The following CNTN5 variants were observed in gnomAD, a reference collection of about 807,000 sequenced individuals.
CNTN5 encodes the protein contactin-5.
A neutral mutation model predicts 129.1 loss-of-function variants in CNTN5; 77 were observed. The observed-to-expected ratio is 0.60, with a 90% CI of 0.50 to 0.72. CNTN5 has a LOEUF of 0.72. Ranked by LOEUF, CNTN5 falls within the 30% of genes least tolerant of loss-of-function variation. The pLI is 0.00. For missense variants in CNTN5, 1,478 were observed against 1,328.8 expected, an observed-to-expected ratio of 1.11 and a Z score of -1.75; for synonymous variants, 509 against 465.6, an observed-to-expected ratio of 1.09 and a Z score of -1.20.
At chr11:99,920,167 G>A (rs749426651) in intron 7 of CNTN5, among the ~76,000 whole-genome samples, 2 of 152,004 alleles carry the variant, frequency 1.3e-5, no homozygotes, top group Non-Finnish European at 2.9e-5. Flanking sequence ...TCTCATGTGG[G>A]TTATTTCTTT....
intron 21 of CNTN5, among the ~76,000 whole-genome samples, chr11:100,335,782 A>G (rs1245926188): frequency 6.6e-6 from 1 of 151,348 alleles, no homozygotes; most frequent in Non-Finnish European, 1.5e-5. Context: ...AAAAAAAGCC[A>G]TTCTCTTTAT....
chr11:100,038,524 G>A (rs1467307759), intron 9 of CNTN5, among the ~76,000 whole-genome samples: 1 of 152,182 alleles, frequency 6.6e-6, no homozygotes, highest in Non-Finnish European at 1.5e-5. Flanking sequence ...GGGTATCCTT[G>A]TTAACTTTCT....
chr11:99,164,190 G>A (rs1860762990), intron 1 of CNTN5, among the ~76,000 whole-genome samples: 1 of 151,912 alleles, frequency 6.6e-6, no homozygotes, highest in Non-Finnish European at 1.5e-5. Flanking sequence ...ACAGGGCATG[G>A]TGGCACCTGT....
Position 99,973,969 on chromosome 11 carries a change from GT to G in CNTN5, c.877+16962del, listed in dbSNP as rs544140452. ...AGTAGACATACTGAGAGGTAATTCA[GT>G]TATACCAATATAATCCTGCCATTAT... On this transcript the variant is annotated intron_variant, in intron 8 of 24. Transcript: ENST00000524871. Among the ~76,000 whole-genome samples, 366 of 152,276 alleles carry G rather than the reference GT, an allele frequency of 2.4e-3. 1 individual carries two copies. The highest frequency in any genetic ancestry group is 8.4e-3 in the African/African-American group (351 of 41,556).
chr11:99,824,192 A>G (rs1946884130), intron 4 of CNTN5, among the ~76,000 whole-genome samples: 1 of 152,082 alleles, frequency 6.6e-6, no homozygotes, highest in Non-Finnish European at 1.5e-5. Context: ...GCATTGTAAC[A>G]TTTCCAGATA....
At chr11:99,749,232 G>T (rs1006342072) in intron 3 of CNTN5, among the ~76,000 whole-genome samples, 18 of 151,884 alleles carry the variant, frequency 1.2e-4, no homozygotes, top group African/African-American at 4.1e-4. Flanking sequence ...AAGCATTTTG[G>T]GAACAGGGAT....
At chr11:99,139,930 A>T (rs999595069) in intron 1 of CNTN5, among the ~76,000 whole-genome samples, 1 of 152,116 alleles carries the variant, frequency 6.6e-6, no homozygotes, top group Non-Finnish European at 1.5e-5. Flanking sequence ...TAAAGCCAAA[A>T]ACCTCAGATC....
intron 1 of CNTN5, among the ~76,000 whole-genome samples, chr11:99,204,661 C>A (rs541780817): frequency 1.3e-5 from 2 of 152,236 alleles, no homozygotes; most frequent in South Asian, 4.2e-4. Context: ...AGCTTAAGAG[C>A]CAGAACTGAG....
At chr11:99,424,244 C>T (rs944850138) in intron 2 of CNTN5, among the ~76,000 whole-genome samples, 19 of 152,194 alleles carry the variant, frequency 1.2e-4, no homozygotes. Context: ...ACAAGCACTA[C>T]AATCTAAACA....
intron 2 of CNTN5, among the ~76,000 whole-genome samples, chr11:99,350,317 G>T (rs1215639785): frequency 1.3e-5 from 2 of 151,954 alleles, no homozygotes; most frequent in African/African-American, 4.8e-5. Context: ...ACCAAATCCT[G>T]GCAAAGATTT....
At chr11:99,381,081 C>A (rs1167180068) in intron 2 of CNTN5, among the ~76,000 whole-genome samples, 2 of 152,060 alleles carry the variant, frequency 1.3e-5, no homozygotes, top group Non-Finnish European at 2.9e-5. Context: ...CAGTATGGTG[C>A]CCAAGTTTAC....
Position 99,560,307 on chromosome 11 carries a change from T to C in CNTN5, c.55+4038T>C, listed in dbSNP as rs1015352323. The stretch of plus-strand genomic sequence containing the variant: ...ATTATTATTATTATTATTATTATTA[T>C]TTTGAGATGGAGTTTCACCTTGTCT... On this transcript the variant is annotated intron_variant, in intron 3 of 24. Transcript: ENST00000524871. Among the ~76,000 whole-genome samples the C allele has an allele frequency of 6.7e-5, 10 of 149,448 alleles. 1 individual carries two copies. The highest frequency in any genetic ancestry group is 2.0e-4 in the Admixed American group (3 of 14,920).
chr11:99,933,862 A>G lies in CNTN5; in HGVS notation c.673+17713A>G, dbSNP rs868761450. Among the ~76,000 whole-genome samples the G allele has an allele frequency of 5.3e-5, 8 of 152,318 alleles. No individual in the cohort carries two copies. The South Asian group carries it at 6.2e-4, about 12-fold the overall frequency. On this transcript the variant is annotated intron_variant, in intron 7 of 24. Coordinates refer to ENST00000524871, the MANE Select transcript of CNTN5 (RefSeq NM_014361.4). ...TTTGACTATTATGAATAAAGCTGCT[A>G]TGGGATTAGTATATAAATCTTCAAG...
rs1857669767 is a variant in CNTN5, at chr11:99,174,256, C to T, written c.-209-151090C>T. Among the ~76,000 whole-genome samples the T allele has an allele frequency of 2.0e-5, 3 of 152,134 alleles. No individual in the cohort carries two copies. In the South Asian group the frequency reaches 6.2e-4, roughly 31 times the overall value. ...TCAAGTGATCTGCTTGCCTTGGCCT[C>T]CCAAAGTGCTGGGATTACAGGCATG... On this transcript the variant is annotated intron_variant, in intron 1 of 24. Coordinates refer to ENST00000524871, the MANE Select transcript of CNTN5 (RefSeq NM_014361.4).
intron 1 of CNTN5, among the ~76,000 whole-genome samples, chr11:99,134,270 A>G (rs1354482918): frequency 1.3e-5 from 2 of 152,120 alleles, no homozygotes; most frequent in Non-Finnish European, 2.9e-5. Flanking sequence ...CAAGGCAGGG[A>G]GGGCATTAGG....
At chr11:100,319,900 T>A (rs1468274005) in intron 21 of CNTN5, among the ~76,000 whole-genome samples, 1 of 152,218 alleles carries the variant, frequency 6.6e-6, no homozygotes, top group African/African-American at 2.4e-5. Flanking sequence ...TTTTTATAGT[T>A]GAATGGTGAA....
rs547967772 is a variant in CNTN5 at position 99,313,637 on chromosome 11, A to G, written c.-209-11709A>G. Among the ~76,000 whole-genome samples the G allele has an allele frequency of 8.8e-4, 134 of 152,202 alleles. 1 individual carries two copies. Among genetic ancestry groups the G allele is most frequent in the Non-Finnish European group, 1.0e-3 (69 of 67,968 alleles). The stretch of plus-strand genomic sequence containing the variant: ...AATATACTTCTTTATCTCAAAGTGT[A>G]CATTTCAAGGAATATTTTGTCTCCT... On this transcript the variant is annotated intron_variant, in intron 1 of 24. Transcript: ENST00000524871.
intron 13 of CNTN5, among the ~76,000 whole-genome samples, chr11:100,190,026 C>T (rs926221955): frequency 6.6e-6 from 1 of 151,936 alleles, no homozygotes; most frequent in Admixed American, 6.6e-5. Flanking sequence ...GTTCAATGCT[C>T]TAAATAACCA....
intron 3 of CNTN5, among the ~76,000 whole-genome samples, chr11:99,733,994 C>T (rs1943618672): frequency 6.6e-6 from 1 of 152,146 alleles, no homozygotes; most frequent in Non-Finnish European, 1.5e-5. Flanking sequence ...AGAGTTCTCA[C>T]CAGCAGAAAT....
Sources: gnomAD v4.1 joint callset for allele counts (sites outside exome capture counted in the v4.1 genomes callset) on GRCh38, gnomAD v4.1.1 for gene constraint, MANE v1.5 for transcripts, NCBI Gene and HGNC (gene_info 2026-07-23, HGNC 2026-07-21) for gene names.